PPIP5K2: variants seen among roughly 807,000 people sequenced by gnomAD.
PPIP5K2 encodes inositol hexakisphosphate and diphosphoinositol-pentakisphosphate kinase 2.
PPIP5K2 carries 105 observed loss-of-function variants against 154.6 expected under a neutral mutation model. The observed-to-expected ratio is 0.68, with a 90% CI of 0.58 to 0.80. The LOEUF (loss-of-function observed/expected upper bound fraction) is 0.80, where lower values mean the gene tolerates loss of function less well. Ranked by LOEUF, PPIP5K2 falls within the 30% of genes least tolerant of loss-of-function variation. The pLI, the probability that PPIP5K2 is intolerant of heterozygous loss-of-function variation, is 0.00. For synonymous variants in PPIP5K2, 480 were observed against 490.3 expected (o/e 0.98, Z 0.28); for missense variants, 992 against 1,504.6 (o/e 0.66, Z 5.64).
At chr5:103,195,247 C>T (rs1554228173) in intron 30 of PPIP5K2, among the ~76,000 whole-genome samples, 1 of 152,164 alleles carries the variant, frequency 6.6e-6, no homozygotes, top group African/African-American at 2.4e-5. Flanking sequence ...ATATATTTCA[C>T]AGTCACACTT....
In PPIP5K2 at chr5:103,176,842, T is replaced by C. The variant is rs781893096; in HGVS notation, c.2530-825T>C. The C allele has an allele frequency of 5.8e-5, 76 of 1,308,586 alleles. 1 individual carries two copies. In the South Asian group the frequency reaches 9.9e-4, roughly 17 times the overall value. 81.1% of individuals were successfully genotyped at this position (1,308,586 alleles called of 1,614,324 possible). On this transcript the variant is annotated intron_variant, in intron 21 of 30. Coordinates refer to ENST00000358359, the MANE Select transcript of PPIP5K2 (RefSeq NM_001276277.3). Reference sequence around the variant, plus strand: ...TCTCTAAGATCCTTTTCAGTTCTGATGCTCTATGATTACATGTTTAAAGAC... The same window carrying C: ...TCTCTAAGATCCTTTTCAGTTCTGACGCTCTATGATTACATGTTTAAAGAC...
intron 20 of PPIP5K2, 107 bp downstream of exon 20, chr5:103,173,389 A>C: frequency 7.8e-7 from 1 of 1,275,574 alleles, no homozygotes; most frequent in Non-Finnish European, 1.1e-6. Flanking sequence ...TGTCATTGGC[A>C]TACTGTGAAA....
intron 23 of PPIP5K2, among the ~76,000 whole-genome samples, chr5:103,178,577 G>T (rs1554221739): frequency 6.6e-6 from 1 of 151,234 alleles, no homozygotes; most frequent in East Asian, 1.9e-4. Context: ...CATGTTTCAT[G>T]CATTTTCATA....
In PPIP5K2 at chr5:103,210,883, T is replaced by C. The variant is rs1247748897; in HGVS notation, c.*9249T>C. 1 of 152,148 alleles carries C rather than the reference T, an allele frequency of 6.6e-6. No individual in the cohort carries two copies. Among genetic ancestry groups the C allele is most frequent in the African/African-American group, 2.4e-5 (1 of 41,448 alleles). 9.4% of individuals were successfully genotyped at this position (152,148 alleles called of 1,614,324 possible). The stretch of plus-strand genomic sequence containing the variant: ...GTTTGATATTGTGAATGCAAACTAT[T>C]TTTTTGTGTTAGCCTAAATAAAATG... On this transcript the variant is annotated 3_prime_UTR_variant, in exon 31 of 31. Transcript: ENST00000358359.
At position 103,152,661 on chromosome 5, in the gene PPIP5K2, C is replaced by T. The variant is rs1554211684; in HGVS notation, c.1042C>T (p.Arg348Ter). ...CAKILGNIVM[R>*]ELAPQFHIPW... ...TTTGTCTTGAAGAAATATTGTAATGCGAGAACTTGCTCCACAATTTCATAT... is the reference window on the plus strand; with the variant it reads ...TTTGTCTTGAAGAAATATTGTAATGTGAGAACTTGCTCCACAATTTCATAT... Residue 348 changes from arginine to a stop codon, truncating the protein, a stop_gained, in exon 10 of 31, where the codon CGA (arginine) becomes TGA (stop). Coordinates refer to ENST00000358359, the MANE Select transcript of PPIP5K2 (RefSeq NM_001276277.3). LOFTEE classifies it high-confidence loss of function. 9 of 1,588,486 alleles carry T rather than the reference C, an allele frequency of 5.7e-6. No individual in the cohort carries two copies. The highest frequency in any genetic ancestry group is 3.3e-5 in the South Asian group (3 of 90,228).
At position 103,192,922 on chromosome 5, in the gene PPIP5K2, C is replaced by A. The variant is rs181008060; in HGVS notation, c.3493+1940C>A. Among the ~76,000 whole-genome samples the A allele has an allele frequency of 2.4e-3, 362 of 152,148 alleles. 2 individuals carry two copies. Among genetic ancestry groups the A allele is most frequent in the Admixed American group, 3.4e-3 (52 of 15,266 alleles). On this transcript the variant is annotated intron_variant, in intron 29 of 30. Transcript: ENST00000358359. ...AATGTGGCTCATAGAATTGGATAAA[C>A]CTTAGAGATAATCTAGTTCATTGGT...
intron 4 of PPIP5K2, among the ~76,000 whole-genome samples, chr5:103,137,457 C>T (rs32847): frequency 0.24 from 36,933 of 151,974 alleles, 5,168 homozygotes; most frequent in East Asian, 0.45. Flanking sequence ...CCACCGCACC[C>T]GGCCTATAAC....
chr5:103,158,102 AAG>A (rs1562433900), intron 14 of PPIP5K2, 84 bp from the exon 15 acceptor site: 54 of 1,405,090 alleles, frequency 3.8e-5, no homozygotes, highest in Middle Eastern at 2.3e-4. Flanking sequence ...TTCACTGCAG[AAG>A]AGAGCACAGA....
intron 1 of PPIP5K2, among the ~76,000 whole-genome samples, chr5:103,125,746 G>A (rs1473515261): frequency 6.6e-6 from 1 of 152,046 alleles, no homozygotes; most frequent in African/African-American, 2.4e-5. Flanking sequence ...TGATTCTCCT[G>A]CCCCAGCCTC....
At chr5:103,170,222 A>T (rs1290061222) in intron 19 of PPIP5K2, among the ~76,000 whole-genome samples, 1 of 151,590 alleles carries the variant, frequency 6.6e-6, no homozygotes, top group African/African-American at 2.4e-5. Context: ...CTTGTAACTT[A>T]AATAAATTCA....
At chr5:103,182,840 T>A (rs576604150) in intron 24 of PPIP5K2, among the ~76,000 whole-genome samples, 1 of 152,206 alleles carries the variant, frequency 6.6e-6, no homozygotes, top group African/African-American at 2.4e-5. Flanking sequence ...CACAAAATCT[T>A]TTGAATATCT....
intron 1 of PPIP5K2, among the ~76,000 whole-genome samples, chr5:103,123,983 C>T (rs1453050538): frequency 1.3e-5 from 2 of 152,024 alleles, no homozygotes; most frequent in Admixed American, 6.6e-5. Flanking sequence ...TTATGATGCT[C>T]ATAAAATCTC....
chr5:103,129,029 G>C (rs1357465166), intron 1 of PPIP5K2, among the ~76,000 whole-genome samples: 1 of 151,920 alleles, frequency 6.6e-6, no homozygotes. Flanking sequence ...CTCTTAATTA[G>C]TTTAGCTATT....
At chr5:103,171,351 A>G (rs1797949117) in intron 19 of PPIP5K2, among the ~76,000 whole-genome samples, 1 of 151,580 alleles carries the variant, frequency 6.6e-6, no homozygotes, top group African/African-American at 2.4e-5. Flanking sequence ...TTGAAGTTTA[A>G]AGATGTTTTC....
rs192554665 is a variant in PPIP5K2 at position 103,145,590 on chromosome 5, A to G, written c.488-937A>G. Among the ~76,000 whole-genome samples, 257 of 152,206 alleles carry G rather than the reference A, an allele frequency of 1.7e-3. 4 individuals carry two copies. The highest frequency in any genetic ancestry group is 0.017 in the Admixed American group (256 of 15,288). ...TAATGAAATCCTGTCATTTGCAACA[A>G]CATGGATGGAACTGGAGGTCTTATG... On this transcript the variant is annotated intron_variant, in intron 5 of 30. Coordinates refer to ENST00000358359, the MANE Select transcript of PPIP5K2 (RefSeq NM_001276277.3).
intron 1 of PPIP5K2, chr5:103,120,801 C>G (rs1251593900): frequency 3.4e-6 from 1 of 290,028 alleles, no homozygotes; most frequent in African/African-American, 2.2e-5. Context: ...CTGTGCCTGG[C>G]TCCACTGAAG....
chr5:103,157,629 T>A (rs959557275), intron 14 of PPIP5K2, among the ~76,000 whole-genome samples: 1 of 151,618 alleles, frequency 6.6e-6, no homozygotes, highest in East Asian at 1.9e-4. Context: ...AATACAAAAA[T>A]TAGCCAGGCG....
rs782174711 is a variant in PPIP5K2, at chr5:103,173,209, CCT to C, written c.2344_2345del (p.Leu782GlyfsTer2). ...KLEIAKGYCT[P>X]LVRKIRSDLQ... ...GGAGATTGCCAAAGGCTACTGTACT[CCT>C]CTGGTTAGAAAAATTCGCTCAGACC... On this transcript the variant is annotated frameshift_variant, in exon 20 of 31. Coordinates refer to ENST00000358359, the MANE Select transcript of PPIP5K2 (RefSeq NM_001276277.3). LOFTEE classifies it high-confidence loss of function. 1 of 1,611,628 alleles carries C rather than the reference CCT, an allele frequency of 6.2e-7. No individual in the cohort carries two copies. The highest frequency in any genetic ancestry group is 8.5e-7 in the Non-Finnish European group (1 of 1,178,424).
chr5:103,180,210 C>T (rs1799302580), intron 24 of PPIP5K2, 22 bp downstream of exon 24: 2 of 1,521,288 alleles, frequency 1.3e-6, no homozygotes, highest in Non-Finnish European at 1.8e-6. Flanking sequence ...TATCAGAACA[C>T]ATTTTTCATA....
Sources: allele counts gnomAD v4.1 joint callset (sites outside exome capture counted in the v4.1 genomes callset), GRCh38; gene constraint gnomAD v4.1.1; transcripts MANE v1.5; gene names NCBI Gene and HGNC (gene_info 2026-07-23, HGNC 2026-07-21).